MGAT4A: variants seen among roughly 807,000 people sequenced by gnomAD.
The protein encoded by MGAT4A is alpha-1,3-mannosyl-glycoprotein 4-beta-N-acetylglucosaminyltransferase A.
MGAT4A carries 33 observed loss-of-function variants against 74.1 expected under a neutral mutation model. The observed-to-expected ratio is 0.45, with a 90% CI of 0.34 to 0.60. MGAT4A has a LOEUF of 0.60. MGAT4A is among the 20% of genes least tolerant of loss of function. MGAT4A has a pLI of 0.02. For synonymous variants in MGAT4A, 198 were observed against 210.4 expected, an observed-to-expected ratio of 0.94 and a Z score of 0.51; for missense variants, 479 against 628.3, an observed-to-expected ratio of 0.76 and a Z score of 2.54.
At chr2:98,636,284 G>C (rs1349621893) in intron 13 of MGAT4A, among the ~76,000 whole-genome samples, 3 of 151,856 alleles carry the variant, frequency 2.0e-5, no homozygotes, top group Non-Finnish European at 4.4e-5. Flanking sequence ...TGAGCCACCG[G>C]GTGTGGCCTG....
At position 98,638,895 on chromosome 2, in the gene MGAT4A, A is replaced by G. The variant is rs180931093; in HGVS notation, c.1322+913T>C. Reference sequence around the variant, plus strand: ...CCCATTGGGACACATAAAAGGAAACACCACAGAGTGGGGAACTATGTTCCT... The same window carrying G: ...CCCATTGGGACACATAAAAGGAAACGCCACAGAGTGGGGAACTATGTTCCT... On this transcript the variant is annotated intron_variant, in intron 12 of 15. Coordinates refer to ENST00000393487, the MANE Select transcript of MGAT4A (RefSeq NM_012214.3). 3.0e-4 allele frequency among the ~76,000 whole-genome samples: 46 copies of G among 152,390 alleles called. 1 individual carries two copies. The East Asian group carries it at 6.9e-3, about 23-fold the overall frequency.
intron 3 of MGAT4A, among the ~76,000 whole-genome samples, chr2:98,675,439 C>CA (rs747367648): frequency 1.6e-4 from 24 of 152,278 alleles, no homozygotes; most frequent in Non-Finnish European, 2.6e-4. Flanking sequence ...GCTAAGGGCT[C>CA]ACCTCTATAA....
chr2:98,705,244 G>A (rs778610186), intron 2 of MGAT4A, among the ~76,000 whole-genome samples: 6 of 152,174 alleles, frequency 3.9e-5, no homozygotes, highest in Non-Finnish European at 7.3e-5. Context: ...TTTCACAGGT[G>A]TGATTAATTC....
chr2:98,701,791 C>T (rs1278378346), intron 2 of MGAT4A, among the ~76,000 whole-genome samples: 6 of 152,200 alleles, frequency 3.9e-5, no homozygotes, highest in Non-Finnish European at 7.4e-5. Flanking sequence ...TTATTTATAA[C>T]ACCTGAAACA....
intron 13 of MGAT4A, among the ~76,000 whole-genome samples, chr2:98,636,121 T>A (rs558494457): frequency 6.6e-6 from 1 of 151,984 alleles, no homozygotes; most frequent in African/African-American, 2.4e-5. Context: ...GCCTCCCGAG[T>A]AGCTGGGATT....
chr2:98,713,209 A>G (rs28630619), intron 2 of MGAT4A, among the ~76,000 whole-genome samples: 30,777 of 126,514 alleles, frequency 0.24, 4,538 homozygotes, highest in African/African-American at 0.44. Context: ...AAAAAAAAAA[A>G]GCCGTTTATC....
chr2:98,660,388 AT>A (rs1238799224), intron 5 of MGAT4A, among the ~76,000 whole-genome samples: 1 of 131,744 alleles, frequency 7.6e-6, no homozygotes, highest in African/African-American at 3.0e-5. Context: ...AAATTCATAT[AT>A]AACCACACAC....
chr2:98,623,273 GA>G lies in MGAT4A; in HGVS notation c.*2292del, dbSNP rs35918107. 1 of 985,410 alleles carries G rather than the reference GA, an allele frequency of 1.0e-6. No homozygotes were observed. Among genetic ancestry groups the G allele is most frequent in the Non-Finnish European group, 1.2e-6 (1 of 829,926 alleles). 61.0% of individuals were successfully genotyped at this position (985,410 alleles called of 1,614,324 possible). On this transcript the variant is annotated 3_prime_UTR_variant, in exon 16 of 16. Transcript: ENST00000393487. ...GGGAGGGCAAACTGCATGAAAACAG[GA>G]AAAAGCTAGCCAGGCAGGCTGTCTT...
chr2:98,650,046 G>C (rs1170693832), intron 8 of MGAT4A, among the ~76,000 whole-genome samples: 1 of 152,142 alleles, frequency 6.6e-6, no homozygotes, highest in Non-Finnish European at 1.5e-5. Context: ...TTTGGAATAT[G>C]ATGCATGAAC....
At chr2:98,706,826 G>C (rs971835055) in intron 2 of MGAT4A, among the ~76,000 whole-genome samples, 1 of 151,730 alleles carries the variant, frequency 6.6e-6, no homozygotes, top group African/African-American at 2.4e-5. Context: ...GTCTAGGCAG[G>C]GCAGCAGAGA....
Position 98,644,152 on chromosome 2 carries a change from C to T in MGAT4A, c.890-99G>A, listed in dbSNP as rs186849663. 399 of 1,145,674 alleles carry T rather than the reference C, an allele frequency of 3.5e-4. No homozygotes were observed. In the African/African-American group the frequency reaches 5.3e-3, roughly 15 times the overall value. 71.0% of individuals were successfully genotyped at this position (1,145,674 alleles called of 1,614,324 possible). A position where few individuals can be genotyped will look rare whatever the true frequency, so the allele number is the denominator to read the frequency against. ...TGCCCACGACATACACTGAGGCTTG[C>T]GCTTTCAACTATAAATCATCATAAA... On this transcript the variant is annotated intron_variant, in intron 9 of 15. Transcript: ENST00000393487.
intron 2 of MGAT4A, among the ~76,000 whole-genome samples, chr2:98,712,043 C>T (rs559052365): frequency 1.3e-5 from 2 of 152,298 alleles, no homozygotes; most frequent in East Asian, 1.9e-4. Flanking sequence ...TCCCTGCTCC[C>T]AGCTCTAACA....
At chr2:98,635,059 T>C (rs950875579) in intron 14 of MGAT4A, among the ~76,000 whole-genome samples, 163 bp downstream of exon 14, 5 of 152,122 alleles carry the variant, frequency 3.3e-5, no homozygotes, top group Non-Finnish European at 7.4e-5. Flanking sequence ...GAAATCCTAC[T>C]TGGGTCAAAT....
At chr2:98,655,417 T>TG in intron 8 of MGAT4A, 28 bp downstream of exon 8, 1 of 1,530,586 alleles carries the variant, frequency 6.5e-7, no homozygotes, top group South Asian at 1.2e-5. Flanking sequence ...TTTACAAGCA[T>TG]GAAAAACAAA....
At chr2:98,648,717 GT>G (rs1444574452) in intron 8 of MGAT4A, among the ~76,000 whole-genome samples, 1 of 145,060 alleles carries the variant, frequency 6.9e-6, no homozygotes. Context: ...GGAAGACCCT[GT>G]CTCCAAAAAA....
chr2:98,629,977 C>T (rs755286854), intron 14 of MGAT4A, among the ~76,000 whole-genome samples: 13 of 152,134 alleles, frequency 8.5e-5, no homozygotes, highest in Non-Finnish European at 1.6e-4. Context: ...ACCCAGGAGG[C>T]GGAGGATGCA....
rs147486412 is a variant in MGAT4A at position 98,622,836 on chromosome 2, C to T, written c.*2730G>A. ...GATTGTGTATGCAAGAGTATGGCAA[C>T]GACAGCAGGGAGAGGGAGTTAAGAG... On this transcript the variant is annotated 3_prime_UTR_variant, in exon 16 of 16. Coordinates refer to ENST00000393487, the MANE Select transcript of MGAT4A (RefSeq NM_012214.3). 6.0e-5 allele frequency: 59 copies of T among 985,508 alleles called. No individual in the cohort carries two copies. In the African/African-American group the frequency reaches 6.1e-4, roughly 10 times the overall value. 61.0% of individuals were successfully genotyped at this position (985,508 alleles called of 1,614,324 possible).
Position 98,655,379 on chromosome 2 carries a change from G to T in MGAT4A, c.774+66C>A, listed in dbSNP as rs1290230161. ...CACTTTCAAAACTTCCTGTTTTAATGAAAACATACCCTTGATAACACTTTT... is the reference window on the plus strand; with the variant it reads ...CACTTTCAAAACTTCCTGTTTTAATTAAAACATACCCTTGATAACACTTTT... On this transcript the variant is annotated intron_variant, in intron 8 of 15. Transcript: ENST00000393487. 7 of 1,261,130 alleles carry T rather than the reference G, an allele frequency of 5.6e-6. No individual in the cohort carries two copies. In the African/African-American group the frequency reaches 1.1e-4, roughly 19 times the overall value. 78.1% of individuals were successfully genotyped at this position (1,261,130 alleles called of 1,614,324 possible).
chr2:98,675,190 T>C lies in MGAT4A; in HGVS notation c.263-15A>G. On this transcript the variant is annotated splice_polypyrimidine_tract_variant and intron_variant, in intron 3 of 15. Transcript: ENST00000393487. ...TAGGGTATTATCTGAAACACAGAAGTATAATTAATATACAAGAATTACCTT... is the reference window on the plus strand; with the variant it reads ...TAGGGTATTATCTGAAACACAGAAGCATAATTAATATACAAGAATTACCTT... 6 of 1,536,230 alleles carry C rather than the reference T, an allele frequency of 3.9e-6. No individual in the cohort carries two copies. The highest frequency in any genetic ancestry group is 5.3e-6 in the Non-Finnish European group (6 of 1,132,038).
Sources: gnomAD v4.1 joint callset for allele counts (sites outside exome capture counted in the v4.1 genomes callset) on GRCh38, gnomAD v4.1.1 for gene constraint, MANE v1.5 for transcripts, NCBI Gene and HGNC (gene_info 2026-07-23, HGNC 2026-07-21) for gene names.